The following NSD2 variants were observed in gnomAD, a reference collection of about 807,000 sequenced individuals.
The protein encoded by NSD2 is nuclear receptor binding SET domain protein 2.
A neutral mutation model predicts 139.0 loss-of-function variants in NSD2; 12 were observed. That is an observed-to-expected ratio of 0.09 (90% CI 0.06 to 0.14). The LOEUF is 0.14. NSD2 is among the 10% of genes least tolerant of loss of function. The pLI, the probability that NSD2 is intolerant of heterozygous loss-of-function variation, is 1.00. For synonymous variants in NSD2, 669 were observed against 648.7 expected (o/e 1.03, Z -0.48); for missense variants, 1,155 against 1,745.0 (o/e 0.66, Z 6.02).
chr4:1,965,599 T>C (rs1353186650), intron 18 of NSD2, among the ~76,000 whole-genome samples: 2 of 152,216 alleles, frequency 1.3e-5, no homozygotes, highest in East Asian at 3.8e-4. Flanking sequence ...AGCTACTCAT[T>C]ACATGCAAGG....
chr4:1,974,839 C>T lies in NSD2; in HGVS notation c.3373-24C>T, dbSNP rs760467400. On this transcript the variant is annotated intron_variant, in intron 18 of 21. Transcript: ENST00000508803. This position sits in a 1 kb window ranked among gnomAD's most constrained non-coding sequence, Gnocchi z 4.0. Reference sequence around the variant, plus strand: ...TAACATGCGATTGCTAACACTTGACCGAATATATCACTTGACCTTACAGGA... The same window carrying T: ...TAACATGCGATTGCTAACACTTGACTGAATATATCACTTGACCTTACAGGA... 46 of 1,612,778 alleles carry T rather than the reference C, an allele frequency of 2.9e-5. No homozygotes were observed. The highest frequency in any genetic ancestry group is 3.3e-4 in the Middle Eastern group (2 of 6,082).
At chr4:1,902,781 A>C (rs1045827108) in intron 2 of NSD2, among the ~76,000 whole-genome samples, 1 of 152,236 alleles carries the variant, frequency 6.6e-6, no homozygotes, top group African/African-American at 2.4e-5. Context: ...TGGTTTTGTT[A>C]AAACTTGAGT....
chr4:1,944,444 G>A, intron 9 of NSD2: 2 of 1,065,248 alleles, frequency 1.9e-6, no homozygotes, highest in Non-Finnish European at 2.3e-6. Context: ...GGTTGTTGAG[G>A]TGAATTTTGT....
In NSD2 at chr4:1,942,212, A is replaced by T. The variant is rs1261283175; in HGVS notation, c.1881+2434A>T. The T allele has an allele frequency of 6.7e-7, 1 of 1,489,960 alleles. No individual in the cohort carries two copies. Among genetic ancestry groups the T allele is most frequent in the African/African-American group, 1.4e-5 (1 of 71,532 alleles). 92.3% of individuals were successfully genotyped at this position (1,489,960 alleles called of 1,614,324 possible). On this transcript the variant is annotated intron_variant, in intron 9 of 21. Transcript: ENST00000508803. This position sits in a 1 kb window ranked among gnomAD's most constrained non-coding sequence, Gnocchi z 4.0. ...TACATCACCCTGAGGAAGAGAATAA[A>T]TTAAAATTACACACTTGCATGACAA...
intron 10 of NSD2, 49 bp downstream of exon 10, chr4:1,951,252 GC>G (rs761474418): frequency 7.5e-4 from 1,209 of 1,610,312 alleles, no homozygotes; most frequent in Non-Finnish European, 9.3e-4. Flanking sequence ...TCTGACTGGG[GC>G]CCCGGTACGC....
chr4:1,946,052 A>G (rs1396971033), intron 9 of NSD2: 4 of 1,034,342 alleles, frequency 3.9e-6, no homozygotes, highest in Admixed American at 5.7e-5. Flanking sequence ...TAAAATCAAT[A>G]GATTCATCAC....
At chr4:1,874,706 C>G (rs929446779) in intron 1 of NSD2, among the ~76,000 whole-genome samples, 8 of 152,158 alleles carry the variant, frequency 5.3e-5, no homozygotes, top group Non-Finnish European at 8.8e-5. Context: ...CAGATCTGTA[C>G]TACCACCAAG....
At chr4:1,881,831 T>A (rs1394180111) in intron 1 of NSD2, among the ~76,000 whole-genome samples, 1 of 152,122 alleles carries the variant, frequency 6.6e-6, no homozygotes, top group Non-Finnish European at 1.5e-5. Flanking sequence ...GACTTCCTGA[T>A]GGGATAGACA....
At chr4:1,934,652 A>G (rs1320973436) in intron 6 of NSD2, among the ~76,000 whole-genome samples, 2 of 148,900 alleles carry the variant, frequency 1.3e-5, no homozygotes, top group African/African-American at 4.9e-5. Flanking sequence ...GTTCGAGACC[A>G]GCCTGACCAA....
At chr4:1,945,804 C>T (rs939581932) in intron 9 of NSD2, 76 of 1,064,108 alleles carry the variant, frequency 7.1e-5, no homozygotes, top group African/African-American at 1.3e-4. Context: ...TGTAAAGCCA[C>T]GGATTCCCCT....
At chr4:1,947,492 T>C in intron 9 of NSD2, 1 of 1,058,266 alleles carries the variant, frequency 9.4e-7, no homozygotes, top group South Asian at 4.6e-5. Context: ...CCAGGAAGTT[T>C]CTAGTTTGTG....
intron 2 of NSD2, 126 bp from the exon 3 acceptor site, chr4:1,904,090 G>T (rs551440731): frequency 1.0e-5 from 11 of 1,079,212 alleles, no homozygotes; most frequent in Non-Finnish European, 1.5e-5. Flanking sequence ...ACACAGCAAG[G>T]GAGCACACTC....
At chr4:1,891,031 C>T (rs1715493521) in intron 1 of NSD2, among the ~76,000 whole-genome samples, 1 of 151,708 alleles carries the variant, frequency 6.6e-6, no homozygotes, top group Non-Finnish European at 1.5e-5. Flanking sequence ...GTAGCTAAGA[C>T]CACAGGCACA....
chr4:1,946,790 C>A (rs1296751790), intron 9 of NSD2: 2 of 1,052,982 alleles, frequency 1.9e-6, no homozygotes, highest in Non-Finnish European at 2.3e-6. Context: ...GAGCAAGGAG[C>A]ATGCTTCCTT....
At position 1,979,446 on chromosome 4, in the gene NSD2, G is replaced by A. The variant is rs769354613; in HGVS notation, c.*537G>A. 3 of 233,280 alleles carry A rather than the reference G, an allele frequency of 1.3e-5. No homozygotes were observed. Among genetic ancestry groups the A allele is most frequent in the African/African-American group, 4.4e-5 (2 of 45,326 alleles). The allele number at this position is 233,280 out of a possible 1,614,324, so 14.5% of individuals were successfully genotyped here. ...TTGGAAATGGCTGTATCATTTTTTT[G>A]TACTAATGTGAATTGTTCCTCAGAA... On this transcript the variant is annotated 3_prime_UTR_variant, in exon 22 of 22. Transcript: ENST00000508803.
At chr4:1,876,948 A>T (rs1186236012) in intron 1 of NSD2, among the ~76,000 whole-genome samples, 1 of 151,712 alleles carries the variant, frequency 6.6e-6, no homozygotes, top group Non-Finnish European at 1.5e-5. Context: ...CCAGCCTGGG[A>T]AATGTGGTGA....
At chr4:1,881,907 T>C (rs940625930) in intron 1 of NSD2, among the ~76,000 whole-genome samples, 7 of 151,816 alleles carry the variant, frequency 4.6e-5, no homozygotes, top group Admixed American at 2.6e-4. Context: ...GGGGTGAGTA[T>C]CAGATGGAGG....
At chr4:1,938,636 G>C in intron 8 of NSD2, 104 bp downstream of exon 8, 1 of 929,690 alleles carries the variant, frequency 1.1e-6, no homozygotes, top group Non-Finnish European at 1.7e-6. Context: ...TGGTGAAGGG[G>C]AACAGGGCAG....
At position 1,955,067 on chromosome 4, in the gene NSD2, CA is replaced by C. The variant is rs548257451; in HGVS notation, c.2339-91del. The stretch of plus-strand genomic sequence containing the variant: ...CCATTTCATTTTAGCATTAACTTTT[CA>C]AATTCATGGAGGCTGAGTAATTATT... On this transcript the variant is annotated intron_variant, in intron 12 of 21. Transcript: ENST00000508803. The surrounding 1 kb of genome is among the most constrained non-coding windows in gnomAD (Gnocchi z 4.7). 554 of 1,332,834 alleles carry C rather than the reference CA, an allele frequency of 4.2e-4. 2 individuals carry two copies. The Middle Eastern group carries it at 4.9e-3, about 12-fold the overall frequency. 82.6% of individuals were successfully genotyped at this position (1,332,834 alleles called of 1,614,324 possible). A position where few individuals can be genotyped will look rare whatever the true frequency, so the allele number is the denominator to read the frequency against.
Sources: gnomAD v4.1 joint callset for allele counts (sites outside exome capture counted in the v4.1 genomes callset) on GRCh38, gnomAD v4.1.1 for gene constraint, Gnocchi (gnomAD v3.1) non-coding constraint, MANE v1.5 for transcripts, NCBI Gene and HGNC (gene_info 2026-07-23, HGNC 2026-07-21) for gene names.